HELB: variants seen among roughly 807,000 people sequenced by gnomAD.
HELB encodes the protein DNA helicase B.
A neutral mutation model predicts 101.7 loss-of-function variants in HELB; 96 were observed. The observed-to-expected ratio is 0.94, with a 90% CI of 0.80 to 1.12. The LOEUF (loss-of-function observed/expected upper bound fraction) is 1.12, where lower values mean the gene tolerates loss of function less well. Among genes scored for constraint, HELB ranks in the 50% most tolerant of loss-of-function variants. The probability of loss-of-function intolerance (pLI) is 0.00; values close to 1 mark genes in which losing one functional copy is unlikely to be tolerated. For synonymous variants in HELB, 437 were observed against 459.7 expected (o/e 0.95, Z 0.63); for missense variants, 1,210 against 1,291.9 (o/e 0.94, Z 0.97).
chr12:66,337,603 GA>G (rs1302950748), intron 12 of HELB, among the ~76,000 whole-genome samples: 1 of 150,644 alleles, frequency 6.6e-6, no homozygotes, highest in Non-Finnish European at 1.5e-5. Flanking sequence ...AGTCCTCCAG[GA>G]CTCAGGCCCA....
chr12:66,310,643 A>G (rs767268025), intron 4 of HELB, 35 bp downstream of exon 4: 18 of 1,572,014 alleles, frequency 1.1e-5, no homozygotes, highest in Non-Finnish European at 1.5e-5. Context: ...TAGATAAAAC[A>G]TTTGTCGGCC....
chr12:66,318,738 A>T lies in HELB; in HGVS notation c.2101A>T (p.Arg701Trp). ...SIQDKTFIFV[R>W]LPEEDASSQS... ...TCAAGATAAGACATTTATTTTTGTC[A>T]GGCTCCCAGAAGAGGATGCCAGTTC... The change falls in exon 7 of 13, where the codon AGG becomes TGG. Residue 701 changes from arginine to tryptophan, a missense_variant. Arg to Trp is a moderately radical substitution (Grantham distance 101). Coordinates refer to ENST00000247815, the MANE Select transcript of HELB (RefSeq NM_001370285.1). The T allele has an allele frequency of 6.2e-7, 1 of 1,611,288 alleles. No homozygotes were observed. The highest frequency in any genetic ancestry group is 2.2e-5 in the East Asian group (1 of 44,686).
At chr12:66,324,915 T>C (rs762805331) in intron 10 of HELB, 68 bp from the exon 11 acceptor site, 208 of 1,585,446 alleles carry the variant, frequency 1.3e-4, no homozygotes, top group Non-Finnish European at 1.7e-4. Context: ...AGATAGAATA[T>C]CTTTGAACGT....
In HELB at chr12:66,327,454, A is replaced by G. The variant is rs938205194; in HGVS notation, c.2670+2328A>G. On this transcript the variant is annotated intron_variant, in intron 11 of 12. Coordinates refer to ENST00000247815, the MANE Select transcript of HELB (RefSeq NM_001370285.1). ...ATTTTCCTTCTCATCACTTTGCTCTATTTTCTGAGAGATTTCCTTAAATTT... is the reference window on the plus strand; with the variant it reads ...ATTTTCCTTCTCATCACTTTGCTCTGTTTTCTGAGAGATTTCCTTAAATTT... 2.6e-5 allele frequency among the ~76,000 whole-genome samples: 4 copies of G among 151,890 alleles called. No homozygotes were observed. The East Asian group carries it at 5.8e-4, about 22-fold the overall frequency.
intron 1 of HELB, among the ~76,000 whole-genome samples, chr12:66,303,179 G>T (rs1231479109): frequency 6.7e-6 from 1 of 150,290 alleles, no homozygotes; most frequent in African/African-American, 2.5e-5. Context: ...TTACGCTTAA[G>T]GAAACAGTGG....
chr12:66,326,590 T>C (rs1250728707), intron 11 of HELB, among the ~76,000 whole-genome samples: 1 of 152,170 alleles, frequency 6.6e-6, no homozygotes, highest in Non-Finnish European at 1.5e-5. Context: ...AATTTTCTAC[T>C]AGTAAACAAA....
chr12:66,308,746 G>A (rs1398287039), intron 3 of HELB, among the ~76,000 whole-genome samples: 2 of 152,078 alleles, frequency 1.3e-5, no homozygotes, highest in Admixed American at 6.5e-5. Context: ...TTAGAGTAGG[G>A]CCCATCTCGA....
chr12:66,331,179 A>T lies in HELB; in HGVS notation c.2696A>T (p.Tyr899Phe). Residue 899 changes from tyrosine to phenylalanine, a missense_variant, in exon 12 of 13, where the codon TAT becomes TTT. Physicochemically the swap from Tyr to Phe is conservative, Grantham distance 22. This residue lies in a region of HELB where 740 missense variants were observed against 728.8 expected (regional missense o/e 1.02). Coordinates refer to ENST00000247815, the MANE Select transcript of HELB (RefSeq NM_001370285.1). ...GGGTCCGAGGAGCAAACAGTTGTCT[A>T]TGTGGTGGGGAAGGCGGGCCGCCAG... ...FQGSEEQTVVYVVGKAGRQHW... is the reference protein window; with the variant it reads ...FQGSEEQTVVFVVGKAGRQHW... 1 of 1,610,710 alleles carries T rather than the reference A, an allele frequency of 6.2e-7. No individual in the cohort carries two copies. Among genetic ancestry groups the T allele is most frequent in the Non-Finnish European group, 8.5e-7 (1 of 1,177,508 alleles).
At chr12:66,319,608 G>A (rs1012959565) in intron 7 of HELB, among the ~76,000 whole-genome samples, 8 of 152,142 alleles carry the variant, frequency 5.3e-5, no homozygotes, top group African/African-American at 1.9e-4. Context: ...TAAAAATGGT[G>A]TAATGGTTTT....
In HELB at chr12:66,331,216, T is replaced by A. The variant is rs548647632; in HGVS notation, c.2733T>A (p.His911Gln). Residue 911 changes from histidine to glutamine, a missense_variant, in exon 12 of 13, where the codon CAT (histidine) becomes CAA (glutamine). This residue lies in a region of HELB where 740 missense variants were observed against 728.8 expected (regional missense o/e 1.02). Transcript: ENST00000247815. Reference protein sequence around the residue: ...VGKAGRQHWQHVYTAVTRGRC... With the variant: ...VGKAGRQHWQQVYTAVTRGRC... ...AGGCGGGCCGCCAGCACTGGCAGCA[T>A]GTCTACACCGCCGTGACCAGGGGCC... 3 of 1,613,902 alleles carry A rather than the reference T, an allele frequency of 1.9e-6. No individual in the cohort carries two copies. The East Asian group carries it at 6.7e-5, about 36-fold the overall frequency.
intron 7 of HELB, among the ~76,000 whole-genome samples, chr12:66,320,852 G>A (rs2053662053): frequency 6.6e-6 from 1 of 151,928 alleles, no homozygotes; most frequent in African/African-American, 2.4e-5. Flanking sequence ...GCTAAAATGT[G>A]AGAAAAATGT....
intron 4 of HELB, among the ~76,000 whole-genome samples, chr12:66,313,558 A>T (rs541496105): frequency 2.6e-5 from 4 of 152,256 alleles, no homozygotes; most frequent in African/African-American, 9.6e-5. Context: ...GTAGTTTTTA[A>T]AAAGTTTTGA....
chr12:66,322,174 A>G (rs1283294783), intron 8 of HELB, 145 bp downstream of exon 8: 2 of 524,846 alleles, frequency 3.8e-6, no homozygotes, highest in African/African-American at 3.9e-5. Flanking sequence ...TTTGTTAGAC[A>G]TGGCAGAGGG....
At chr12:66,337,397 G>A (rs2053878239) in intron 12 of HELB, among the ~76,000 whole-genome samples, 1 of 152,174 alleles carries the variant, frequency 6.6e-6, no homozygotes, top group African/African-American at 2.4e-5. Context: ...GCAGAAAAGA[G>A]AGGCAATTCC....
intron 11 of HELB, among the ~76,000 whole-genome samples, chr12:66,330,709 AT>A (rs1049491572): frequency 2.7e-5 from 4 of 148,282 alleles, no homozygotes; most frequent in Non-Finnish European, 5.9e-5. Context: ...AAATTTCTAT[AT>A]TTTATCATTA....
At chr12:66,309,323 C>T (rs962674603) in intron 3 of HELB, among the ~76,000 whole-genome samples, 12 of 151,998 alleles carry the variant, frequency 7.9e-5, no homozygotes, top group African/African-American at 2.9e-4. Context: ...TATCTAAAAT[C>T]TTTTAAAAAT....
rs2053592907 is a variant in HELB, at chr12:66,315,358, C to T, written c.1975C>T (p.Gln659Ter). 1.9e-6 allele frequency: 3 copies of T among 1,601,060 alleles called. No homozygotes were observed. The Admixed American group carries it at 5.2e-5, about 28-fold the overall frequency. The change falls in exon 6 of 13, where the codon CAG becomes TAG. Residue 659 changes from glutamine (Q) to a stop codon, truncating the protein, a stop_gained. Coordinates refer to ENST00000247815, the MANE Select transcript of HELB (RefSeq NM_001370285.1). LOFTEE classifies it high-confidence loss of function. ...AAAGACAAACCATAGAGCAGAATCT[C>T]AGCTCATTGTGGACAATGCTACAAG... ...ELKTNHRAESQLIVDNATRIS... is the reference protein window; with the variant it reads ...ELKTNHRAES
chr12:66,339,448 T>G (rs909947547), downstream of HELB: 4 of 151,584 alleles, frequency 2.6e-5, no homozygotes, highest in African/African-American at 9.7e-5. Flanking sequence ...ACCTGGAACA[T>G]TTTCATACCC....
At chr12:66,303,360 G>T (rs2053432336) in intron 1 of HELB, among the ~76,000 whole-genome samples, 1 of 152,056 alleles carries the variant, frequency 6.6e-6, no homozygotes, top group Non-Finnish European at 1.5e-5. Flanking sequence ...GGGCGCGGTG[G>T]CTCACGCACT....
Sources: allele counts gnomAD v4.1 joint callset (sites outside exome capture counted in the v4.1 genomes callset), GRCh38; gene constraint gnomAD v4.1.1; regional missense constraint gnomAD v4.1.1; transcripts MANE v1.5; gene names NCBI Gene and HGNC (gene_info 2026-07-23, HGNC 2026-07-21).